The following WASF3 variants were observed in gnomAD, a reference collection of about 807,000 sequenced individuals.
WASF3 encodes WASP family member 3.
A neutral mutation model predicts 46.6 loss-of-function variants in WASF3; 11 were observed. The observed-to-expected ratio is 0.24, with a 90% CI of 0.15 to 0.39. The LOEUF (loss-of-function observed/expected upper bound fraction) is 0.39. Ranked by LOEUF, WASF3 falls within the 10% of genes least tolerant of loss-of-function variation. The pLI is 1.00. For synonymous variants in WASF3, 242 were observed against 259.7 expected, an observed-to-expected ratio of 0.93 and a Z score of 0.65; for missense variants, 576 against 669.8, an observed-to-expected ratio of 0.86 and a Z score of 1.55.
At chr13:26,597,224 C>T (rs566330104) in intron 1 of WASF3, among the ~76,000 whole-genome samples, 7 of 152,256 alleles carry the variant, frequency 4.6e-5, no homozygotes, top group Non-Finnish European at 8.8e-5. Flanking sequence ...CCTCTGCCTC[C>T]TGGCTTTAAG....
chr13:26,566,846 T>A (rs958237520), intron 1 of WASF3, among the ~76,000 whole-genome samples: 3 of 152,188 alleles, frequency 2.0e-5, no homozygotes, highest in African/African-American at 7.2e-5. Context: ...GCATAACTAG[T>A]CTCTACCCCA....
chr13:26,620,219 G>T (rs1881264876), intron 2 of WASF3, among the ~76,000 whole-genome samples: 1 of 151,986 alleles, frequency 6.6e-6, no homozygotes, highest in Non-Finnish European at 1.5e-5. Flanking sequence ...AATAGTTCCT[G>T]GTCAAAGCAT....
chr13:26,640,351 A>T (rs1881958498), intron 2 of WASF3: 2 of 151,142 alleles, frequency 1.3e-5, no homozygotes, highest in Non-Finnish European at 3.0e-5. Flanking sequence ...GAGGTTTGAA[A>T]CTCTATAAAC....
At chr13:26,570,670 A>T (rs547036727) in intron 1 of WASF3, among the ~76,000 whole-genome samples, 2 of 152,314 alleles carry the variant, frequency 1.3e-5, no homozygotes, top group Non-Finnish European at 2.9e-5. Flanking sequence ...TAGTGTGAAT[A>T]TGATGCAGTT....
intron 3 of WASF3, among the ~76,000 whole-genome samples, chr13:26,646,109 T>C (rs1247538135): frequency 6.6e-6 from 1 of 152,234 alleles, no homozygotes; most frequent in Non-Finnish European, 1.5e-5. Context: ...GAAACAGATA[T>C]GCAGTTATTA....
intron 3 of WASF3, among the ~76,000 whole-genome samples, chr13:26,653,351 C>T (rs1412678555): frequency 6.6e-6 from 1 of 152,194 alleles, no homozygotes; most frequent in Non-Finnish European, 1.5e-5. Context: ...TCCCTGTCAT[C>T]CCATTTCTTG....
At chr13:26,631,799 C>T (rs929589069) in intron 2 of WASF3, among the ~76,000 whole-genome samples, 4 of 152,138 alleles carry the variant, frequency 2.6e-5, no homozygotes, top group African/African-American at 9.7e-5. Flanking sequence ...TCTTCCTATC[C>T]ATGAGCATGG....
rs984249022 is a variant in WASF3 at position 26,597,813 on chromosome 13, G to A, written c.-108-15148G>A. Among the ~76,000 whole-genome samples the A allele has an allele frequency of 2.0e-5, 3 of 152,174 alleles. No individual in the cohort carries two copies. In the East Asian group the frequency reaches 5.8e-4, roughly 29 times the overall value. ...CATGAACTCGTCATTTTTTATGGCT[G>A]CATAGTATTCCATGGTGTATATGTG... On this transcript the variant is annotated intron_variant, in intron 1 of 9. Transcript: ENST00000335327.
At chr13:26,561,648 G>A (rs1879299181) in intron 1 of WASF3, among the ~76,000 whole-genome samples, 1 of 152,210 alleles carries the variant, frequency 6.6e-6, no homozygotes, top group Non-Finnish European at 1.5e-5. Flanking sequence ...ACAGCAAACA[G>A]GGAGACTGGG....
chr13:26,581,029 C>T (rs1489039949), intron 1 of WASF3, among the ~76,000 whole-genome samples: 3 of 150,380 alleles, frequency 2.0e-5, no homozygotes, highest in Non-Finnish European at 4.4e-5. Context: ...CTTCTGGGAT[C>T]AGTTGATCCC....
chr13:26,656,436 A>G (rs770936561), intron 3 of WASF3, among the ~76,000 whole-genome samples: 5 of 152,200 alleles, frequency 3.3e-5, no homozygotes, highest in African/African-American at 4.8e-5. Flanking sequence ...CTAAGGCCAA[A>G]ATAATTGTCA....
chr13:26,559,839 C>G (rs1879239799), intron 1 of WASF3, among the ~76,000 whole-genome samples: 1 of 52,082 alleles, frequency 1.9e-5, no homozygotes. Context: ...TTTTTTGAGA[C>G]GGAGTCTTGC....
Position 26,679,992 on chromosome 13 carries a change from T to C in WASF3, c.717-1062T>C, listed in dbSNP as rs1377282278. ...ATGGAAATGCAGCGTGCATCTTCCC[T>C]GCTCCCTCAGCACCCCCAATGTGTG... On this transcript the variant is annotated intron_variant, in intron 7 of 9. Transcript: ENST00000335327. The surrounding 1 kb of genome is among the most constrained non-coding windows in gnomAD (Gnocchi z 4.8). 6.3e-7 allele frequency: 1 copy of C among 1,577,684 alleles called. No homozygotes were observed. Among genetic ancestry groups the C allele is most frequent in the African/African-American group, 1.3e-5 (1 of 74,500 alleles).
rs7325919 is a variant in WASF3, at chr13:26,643,003, A to C, written c.133+600A>C. Reference sequence around the variant, plus strand: ...TGGTACCACGTATATATTGGCATGCATAGATGTATGGCAAATGCAAGCTAG... The same window carrying C: ...TGGTACCACGTATATATTGGCATGCCTAGATGTATGGCAAATGCAAGCTAG... On this transcript the variant is annotated intron_variant, in intron 3 of 9. Coordinates refer to ENST00000335327, the MANE Select transcript of WASF3 (RefSeq NM_006646.6). 1.5e-3 allele frequency among the ~76,000 whole-genome samples: 236 copies of C among 152,324 alleles called. 3 individuals are homozygous for C. Among genetic ancestry groups the C allele is most frequent in the Admixed American group, 4.6e-3 (71 of 15,304 alleles).
chr13:26,545,750 GCAT>G, the WASF3 span, among the ~76,000 whole-genome samples: 1 of 152,110 alleles, frequency 6.6e-6, no homozygotes, highest in Non-Finnish European at 1.5e-5. Context: ...GACTACAGGT[GCAT>G]CACCACATGC....
At chr13:26,576,062 T>A (rs184634693) in intron 1 of WASF3, among the ~76,000 whole-genome samples, 1 of 152,242 alleles carries the variant, frequency 6.6e-6, no homozygotes, top group East Asian at 1.9e-4. Context: ...TTGATGTATA[T>A]GTATCTTGGA....
chr13:26,660,199 T>TTTTTTTTTTTG (rs1882586792), intron 3 of WASF3, among the ~76,000 whole-genome samples: 1 of 6,968 alleles, frequency 1.4e-4, no homozygotes, highest in African/African-American at 3.6e-4. Context: ...GTTTGGTTTT[T>TTTTTTTTTTTG]TTTTTTTTTT....
intron 1 of WASF3, among the ~76,000 whole-genome samples, chr13:26,576,249 C>T (rs1259947781): frequency 2.6e-5 from 4 of 152,080 alleles, no homozygotes; most frequent in African/African-American, 9.7e-5. Flanking sequence ...CTCCCTTGGA[C>T]ATCTTAATTC....
intron 1 of WASF3, chr13:26,577,017 T>C (rs1288673177): frequency 1.4e-6 from 1 of 715,268 alleles, no homozygotes; most frequent in Admixed American, 1.9e-5. Flanking sequence ...TAAGGAATAT[T>C]GGAAAGATGC....
Sources: gnomAD v4.1 joint callset for allele counts (sites outside exome capture counted in the v4.1 genomes callset) on GRCh38, gnomAD v4.1.1 for gene constraint, Gnocchi (gnomAD v3.1) non-coding constraint, MANE v1.5 for transcripts, NCBI Gene and HGNC (gene_info 2026-07-23, HGNC 2026-07-21) for gene names.